Variants in NLGN1 observed in about 807,000 individuals in gnomAD.
NLGN1 encodes neuroligin 1, also known as neuroligin-1.
In NLGN1, 12 loss-of-function variants were observed where a neutral mutation model predicts 65.5. That is an observed-to-expected ratio of 0.18 (90% CI 0.12 to 0.30). The LOEUF is 0.30. NLGN1 is among the 10% of genes least tolerant of loss of function. NLGN1 has a pLI of 1.00. For missense variants in NLGN1, 750 were observed against 1,007.1 expected, an observed-to-expected ratio of 0.74 and a Z score of 3.46; for synonymous variants, 350 against 359.5, an observed-to-expected ratio of 0.97 and a Z score of 0.30.
chr3:173,698,353 T>G (rs894711416), intron 3 of NLGN1, among the ~76,000 whole-genome samples: 5 of 152,198 alleles, frequency 3.3e-5, no homozygotes, highest in African/African-American at 1.2e-4. Flanking sequence ...GAATCAGCAC[T>G]CAGGTAGTCT....
intron 4 of NLGN1, among the ~76,000 whole-genome samples, chr3:174,044,104 G>T (rs1308451623): frequency 6.6e-6 from 1 of 152,130 alleles, no homozygotes; most frequent in Non-Finnish European, 1.5e-5. Context: ...TTTAGCTATG[G>T]CTGAAGCAGC....
intron 4 of NLGN1, among the ~76,000 whole-genome samples, chr3:173,848,289 T>G (rs1215855898): frequency 6.6e-6 from 1 of 152,138 alleles, no homozygotes; most frequent in African/African-American, 2.4e-5. Context: ...CATTTCACAC[T>G]TATGTGGTAG....
At chr3:173,853,320 T>A (rs1183082190) in intron 4 of NLGN1, among the ~76,000 whole-genome samples, 1 of 152,192 alleles carries the variant, frequency 6.6e-6, no homozygotes, top group African/African-American at 2.4e-5. Context: ...TGGGGCATAA[T>A]TAAAGAGAAG....
At chr3:173,398,746 T>C (rs1180579143) in intron 1 of NLGN1, among the ~76,000 whole-genome samples, 1 of 152,224 alleles carries the variant, frequency 6.6e-6, no homozygotes, top group Non-Finnish European at 1.5e-5. Context: ...TAACCCAGTA[T>C]CTGTTACTCT....
intron 4 of NLGN1, among the ~76,000 whole-genome samples, chr3:173,867,629 TA>T (rs1463004096): frequency 6.6e-6 from 1 of 152,036 alleles, no homozygotes; most frequent in African/African-American, 2.4e-5. Flanking sequence ...ATTTAATTAA[TA>T]TTAATTATCA....
At chr3:173,958,136 G>A (rs529183029) in intron 4 of NLGN1, among the ~76,000 whole-genome samples, 11 of 152,288 alleles carry the variant, frequency 7.2e-5, no homozygotes, top group African/African-American at 2.2e-4. Context: ...GATCCCCAAA[G>A]GGCTGTAGCT....
intron 4 of NLGN1, among the ~76,000 whole-genome samples, chr3:174,062,643 A>G (rs1347346841): frequency 6.6e-6 from 1 of 152,022 alleles, no homozygotes; most frequent in Non-Finnish European, 1.5e-5. Flanking sequence ...TATATCATTC[A>G]CTCATATAGC....
chr3:173,983,746 C>T (rs1719276365), intron 4 of NLGN1, among the ~76,000 whole-genome samples: 2 of 152,126 alleles, frequency 1.3e-5, no homozygotes. Flanking sequence ...CAAGTGTCAC[C>T]TTCACGGAGC....
chr3:174,045,828 T>C (rs1733453267), intron 4 of NLGN1, among the ~76,000 whole-genome samples: 1 of 152,184 alleles, frequency 6.6e-6, no homozygotes. Flanking sequence ...CCAGAGTAAG[T>C]ATGGAAAGCT....
chr3:173,606,838 G>A lies in NLGN1; in HGVS notation c.493+1747G>A, dbSNP rs149569925. Reference sequence around the variant, plus strand: ...AGAAGATGGATATGGAGGCAATAAGGGTGTTTTAAATGACTAAAAAAGTCT... The same window carrying A: ...AGAAGATGGATATGGAGGCAATAAGAGTGTTTTAAATGACTAAAAAAGTCT... On this transcript the variant is annotated intron_variant, in intron 3 of 6. Transcript: ENST00000457714. Among the ~76,000 whole-genome samples, 513 of 151,866 alleles carry A rather than the reference G, an allele frequency of 3.4e-3. 1 individual carries two copies. Among genetic ancestry groups the A allele is most frequent in the African/African-American group, 0.012 (495 of 41,464 alleles).
intron 2 of NLGN1, among the ~76,000 whole-genome samples, chr3:173,594,004 C>T (rs1447763491): frequency 3.3e-5 from 5 of 152,126 alleles, no homozygotes; most frequent in African/African-American, 4.8e-5. Context: ...CCCGACAACA[C>T]GTGGGAATTA....
chr3:173,932,371 T>G (rs1455870736), intron 4 of NLGN1, among the ~76,000 whole-genome samples: 1 of 152,134 alleles, frequency 6.6e-6, no homozygotes, highest in East Asian at 1.9e-4. Flanking sequence ...TCACTAAGCT[T>G]GAGTTATATA....
intron 4 of NLGN1, among the ~76,000 whole-genome samples, chr3:173,861,226 T>G (rs1007297763): frequency 6.6e-6 from 1 of 151,724 alleles, no homozygotes; most frequent in African/African-American, 2.4e-5. Context: ...TGGTAGAAAA[T>G]AGATGAGAGT....
chr3:174,120,493 C>T (rs1717538578), intron 4 of NLGN1, among the ~76,000 whole-genome samples: 1 of 151,268 alleles, frequency 6.6e-6, no homozygotes, highest in Non-Finnish European at 1.5e-5. Flanking sequence ...GGTGACAGAG[C>T]AAGACTCTGT....
intron 4 of NLGN1, among the ~76,000 whole-genome samples, chr3:174,127,440 C>T (rs1319940509): frequency 6.6e-6 from 1 of 152,058 alleles, no homozygotes. Context: ...ATAGCTAATT[C>T]TTTTGACATA....
intron 3 of NLGN1, among the ~76,000 whole-genome samples, chr3:173,696,255 TA>T (rs1342144349): frequency 6.6e-6 from 1 of 152,200 alleles, no homozygotes; most frequent in African/African-American, 2.4e-5. Context: ...TCCGAAGGTT[TA>T]AATACTGACA....
At chr3:173,960,667 A>G (rs73184514) in intron 4 of NLGN1, among the ~76,000 whole-genome samples, 31,735 of 151,762 alleles carry the variant, frequency 0.21, 3,531 homozygotes, top group East Asian at 0.34. Context: ...AACTATACAA[A>G]GAAAAATATG....
chr3:174,286,477 A>T (rs910496923), exon 7 of NLGN1: 1 of 151,456 alleles, frequency 6.6e-6, no homozygotes, highest in Non-Finnish European at 1.5e-5. Flanking sequence ...AGTGGTTTTG[A>T]TTCATCCTTT....
chr3:173,666,521 G>A (rs1302146556), intron 3 of NLGN1, among the ~76,000 whole-genome samples: 1 of 152,106 alleles, frequency 6.6e-6, no homozygotes, highest in African/African-American at 2.4e-5. Flanking sequence ...AAATTGTGTT[G>A]ATACAGTCTT....
Sources: allele counts gnomAD v4.1 joint callset (sites outside exome capture counted in the v4.1 genomes callset), GRCh38; gene constraint gnomAD v4.1.1; transcripts MANE v1.5; gene names NCBI Gene and HGNC (gene_info 2026-07-23, HGNC 2026-07-21).